Variants in ROBO1 observed in about 807,000 individuals in gnomAD.
The protein encoded by ROBO1 is roundabout guidance receptor 1.
ROBO1 carries 149 observed loss-of-function variants against 195.9 expected under a neutral mutation model. That is an observed-to-expected ratio of 0.76 (90% confidence interval 0.67 to 0.87). The LOEUF (loss-of-function observed/expected upper bound fraction) is 0.87, where lower values mean the gene tolerates loss of function less well. Among genes scored for constraint, ROBO1 ranks in the 40% least tolerant of loss-of-function variants. ROBO1 has a pLI of 0.00. For missense variants in ROBO1, 1,933 were observed against 2,068.3 expected (o/e 0.93, Z 1.27); for synonymous variants, 816 against 733.2 (o/e 1.11, Z -1.82).
chr3:79,396,436 T>A (rs1429075010), intron 2 of ROBO1, among the ~76,000 whole-genome samples: 4 of 152,054 alleles, frequency 2.6e-5, no homozygotes, highest in African/African-American at 4.8e-5. Context: ...TAACAATTCT[T>A]TATATCATGA....
chr3:79,499,263 G>A (rs1343202440), intron 2 of ROBO1, among the ~76,000 whole-genome samples: 1 of 152,124 alleles, frequency 6.6e-6, no homozygotes, highest in Non-Finnish European at 1.5e-5. Flanking sequence ...CCAAAGTGCT[G>A]GTATTACAGC....
intron 3 of ROBO1, among the ~76,000 whole-genome samples, chr3:79,006,231 A>G (rs1333201815): frequency 6.6e-6 from 1 of 150,774 alleles, no homozygotes; most frequent in Non-Finnish European, 1.5e-5. Flanking sequence ...TGCCTGGCTC[A>G]ACAAATACAA....
intron 4 of ROBO1, among the ~76,000 whole-genome samples, chr3:78,835,501 G>C (rs2032631216): frequency 6.6e-6 from 1 of 152,120 alleles, no homozygotes; most frequent in South Asian, 2.1e-4. Flanking sequence ...CTATGACACA[G>C]TAGCCTATAT....
chr3:79,656,369 G>T (rs540394857), intron 1 of ROBO1, among the ~76,000 whole-genome samples: 1 of 151,804 alleles, frequency 6.6e-6, no homozygotes, highest in African/African-American at 2.4e-5. Flanking sequence ...AGATTTGAAG[G>T]TATTACATAA....
At chr3:79,522,888 A>G (rs1393915520) in intron 2 of ROBO1, among the ~76,000 whole-genome samples, 2 of 152,180 alleles carry the variant, frequency 1.3e-5, no homozygotes, top group East Asian at 1.9e-4. Context: ...GGTCATACCT[A>G]TAAAAGGATT....
At chr3:78,675,231 G>A (rs980405951) in intron 10 of ROBO1, among the ~76,000 whole-genome samples, 4 of 151,672 alleles carry the variant, frequency 2.6e-5, no homozygotes, top group East Asian at 1.9e-4. Context: ...AGCTCCCAGC[G>A]TGAGCGACGC....
chr3:79,282,849 T>C (rs139724179), intron 2 of ROBO1, among the ~76,000 whole-genome samples: 1 of 152,292 alleles, frequency 6.6e-6, no homozygotes, highest in East Asian at 1.9e-4. Flanking sequence ...ATACTACTCC[T>C]GAGCAAAGGA....
chr3:78,926,123 C>T (rs2039207527), intron 4 of ROBO1, among the ~76,000 whole-genome samples: 1 of 152,074 alleles, frequency 6.6e-6, no homozygotes, highest in African/African-American at 2.4e-5. Flanking sequence ...CCCGCCTCAG[C>T]CTCCCAAAGT....
intron 2 of ROBO1, among the ~76,000 whole-genome samples, chr3:79,471,851 C>T (rs747809261): frequency 4.0e-5 from 6 of 151,714 alleles, no homozygotes; most frequent in Admixed American, 2.0e-4. Context: ...AACCAAACAC[C>T]GCATGTTCTC....
chr3:78,839,213 A>G (rs2032987381), intron 4 of ROBO1, among the ~76,000 whole-genome samples: 2 of 151,374 alleles, frequency 1.3e-5, no homozygotes, highest in South Asian at 4.1e-4. Context: ...TCGCTAGAAT[A>G]TTTGATCACC....
intron 1 of ROBO1, among the ~76,000 whole-genome samples, chr3:79,693,020 C>A (rs879002278): frequency 6.6e-6 from 1 of 151,644 alleles, no homozygotes; most frequent in Admixed American, 6.6e-5. Flanking sequence ...AGGTCAGGTG[C>A]ATGTTGGTGC....
At chr3:79,761,350 T>C (rs1394044998) in intron 1 of ROBO1, among the ~76,000 whole-genome samples, 1 of 151,798 alleles carries the variant, frequency 6.6e-6, no homozygotes, top group Non-Finnish European at 1.5e-5. Context: ...ATATGTAATA[T>C]ATACAGTAAA....
intron 2 of ROBO1, among the ~76,000 whole-genome samples, chr3:79,526,071 C>T: frequency 6.6e-6 from 1 of 152,112 alleles, no homozygotes; most frequent in East Asian, 1.9e-4. Flanking sequence ...AAATTCAAGT[C>T]CCTTAGACAA....
At chr3:79,606,110 G>C (rs947549229) in intron 1 of ROBO1, among the ~76,000 whole-genome samples, 2 of 150,830 alleles carry the variant, frequency 1.3e-5, no homozygotes, top group Non-Finnish European at 2.9e-5. Context: ...GTCAATAAGA[G>C]CTTTAATTTA....
chr3:79,293,378 T>C (rs1378771128), intron 2 of ROBO1, among the ~76,000 whole-genome samples: 3 of 152,212 alleles, frequency 2.0e-5, no homozygotes, highest in Admixed American at 6.5e-5. Context: ...ATCTATCTTT[T>C]TCAGTTCTGC....
At chr3:79,685,417 C>T (rs1481801492) in intron 1 of ROBO1, among the ~76,000 whole-genome samples, 2 of 152,152 alleles carry the variant, frequency 1.3e-5, no homozygotes, top group African/African-American at 4.8e-5. Flanking sequence ...CCTTTATGGA[C>T]ATCTGAAAAA....
chr3:78,651,661 A>G (rs1056668676), intron 19 of ROBO1, 71 bp downstream of exon 19: 2 of 1,249,696 alleles, frequency 1.6e-6, no homozygotes, highest in Non-Finnish European at 2.2e-6. Flanking sequence ...ATCATGAATA[A>G]TTTGGAATCA....
chr3:79,471,795 T>A (rs147368398), intron 2 of ROBO1, among the ~76,000 whole-genome samples: 1,633 of 152,174 alleles, frequency 0.011, 31 homozygotes, highest in African/African-American at 0.038. Context: ...GGGACATGGA[T>A]GAACCTGGAA....
At chr3:78,922,149 A>T (rs1053220314) in intron 4 of ROBO1, among the ~76,000 whole-genome samples, 5 of 152,192 alleles carry the variant, frequency 3.3e-5, no homozygotes, top group Admixed American at 3.3e-4. Context: ...GGCAGTCAAC[A>T]TAATAGTTGC....
Sources: gnomAD v4.1 joint callset for allele counts (sites outside exome capture counted in the v4.1 genomes callset) on GRCh38, gnomAD v4.1.1 for gene constraint, MANE v1.5 for transcripts, NCBI Gene and HGNC (gene_info 2026-07-23, HGNC 2026-07-21) for gene names.